The following SEZ6L variants were observed in gnomAD, a reference collection of about 807,000 sequenced individuals.
SEZ6L encodes seizure related 6 homolog like.
Under a neutral mutation model 106.2 loss-of-function variants are expected in SEZ6L, and 37 were observed. The observed-to-expected ratio is 0.35, with a 90% CI of 0.27 to 0.46. SEZ6L has a LOEUF of 0.46. Ranked by LOEUF, SEZ6L falls within the 20% of genes least tolerant of loss-of-function variation. The probability of loss-of-function intolerance (pLI) is 1.00; values close to 1 mark genes in which losing one functional copy is unlikely to be tolerated. For synonymous variants in SEZ6L, 541 were observed against 570.4 expected, an observed-to-expected ratio of 0.95 and a Z score of 0.73; for missense variants, 1,172 against 1,332.8, an observed-to-expected ratio of 0.88 and a Z score of 1.88.
chr22:26,226,577 A>ATG (rs756668580), intron 1 of SEZ6L, among the ~76,000 whole-genome samples: 33 of 151,834 alleles, frequency 2.2e-4, no homozygotes, highest in East Asian at 7.7e-4. Flanking sequence ...GTGTATATGT[A>ATG]TGTGTGTGTG....
intron 1 of SEZ6L, among the ~76,000 whole-genome samples, chr22:26,212,056 T>C (rs1187627205): frequency 6.6e-6 from 1 of 151,898 alleles, no homozygotes; most frequent in Non-Finnish European, 1.5e-5. Context: ...AAGTGGAAGC[T>C]AACTAGGTGA....
intron 9 of SEZ6L, among the ~76,000 whole-genome samples, chr22:26,329,767 G>GT (rs1223217666): frequency 7.9e-5 from 12 of 152,200 alleles, no homozygotes; most frequent in African/African-American, 1.9e-4. Flanking sequence ...GATTCATAAT[G>GT]TTTTTTCTCT....
chr22:26,238,253 G>A (rs761006301), intron 1 of SEZ6L, among the ~76,000 whole-genome samples: 24 of 152,340 alleles, frequency 1.6e-4, no homozygotes, highest in South Asian at 4.2e-4. Context: ...GAAGGGCTGC[G>A]TAGGCATTCA....
At chr22:26,253,985 C>T (rs1024869817) in intron 1 of SEZ6L, 1 of 152,184 alleles carries the variant, frequency 6.6e-6, no homozygotes, top group Non-Finnish European at 1.5e-5. Context: ...AAGGATGAAA[C>T]ACAAGTGGAA....
At chr22:26,365,040 TA>T (rs2083760095) in intron 12 of SEZ6L, 1 of 198,064 alleles carries the variant, frequency 5.0e-6, no homozygotes, top group Non-Finnish European at 1.0e-5. Context: ...AGGAGATAGA[TA>T]TTACTTTGAT....
intron 9 of SEZ6L, among the ~76,000 whole-genome samples, chr22:26,335,855 C>T (rs938939319): frequency 6.6e-6 from 1 of 152,152 alleles, no homozygotes; most frequent in African/African-American, 2.4e-5. Context: ...AAGAAAGACA[C>T]CTGCCAAGTC....
At chr22:26,327,306 T>TGACACTACACACACCACACACAC (rs2082338571) in intron 9 of SEZ6L, among the ~76,000 whole-genome samples, 1 of 119,408 alleles carries the variant, frequency 8.4e-6, no homozygotes, top group South Asian at 2.9e-4. Flanking sequence ...CACACACACA[T>TGACACTACACACACCACACACAC]GACACTACAC....
At chr22:26,357,687 G>A (rs74437338) in intron 12 of SEZ6L, among the ~76,000 whole-genome samples, 9,222 of 152,270 alleles carry the variant, frequency 0.061, 390 homozygotes, top group Non-Finnish European at 0.089. Context: ...ATTGTCTCCA[G>A]TTGATCCTTG....
chr22:26,231,526 A>G (rs1301472902), intron 1 of SEZ6L, among the ~76,000 whole-genome samples: 1 of 152,194 alleles, frequency 6.6e-6, no homozygotes, highest in East Asian at 1.9e-4. Flanking sequence ...TCTGTACTGC[A>G]AGGAGACCAG....
At chr22:26,339,593 A>C (rs1354868796) in intron 9 of SEZ6L, among the ~76,000 whole-genome samples, 2 of 152,204 alleles carry the variant, frequency 1.3e-5, no homozygotes, top group Admixed American at 6.5e-5. Flanking sequence ...AGGTTTGAGC[A>C]TATCTCATAA....
chr22:26,347,435 G>A (rs186499636), intron 10 of SEZ6L, among the ~76,000 whole-genome samples: 19 of 152,052 alleles, frequency 1.2e-4, no homozygotes, highest in Admixed American at 3.3e-4. Flanking sequence ...TTGTCCCCCC[G>A]TCACACCGTT....
At chr22:26,312,093 G>T in intron 8 of SEZ6L, 131 bp downstream of exon 8, 5 of 887,980 alleles carry the variant, frequency 5.6e-6, no homozygotes, top group African/African-American at 1.7e-5. Flanking sequence ...ACCCTTTCCA[G>T]GGTTCACTGT....
intron 9 of SEZ6L, among the ~76,000 whole-genome samples, chr22:26,319,286 C>G (rs975348005): frequency 1.3e-5 from 2 of 152,208 alleles, no homozygotes; most frequent in African/African-American, 4.8e-5. Context: ...ATTGCAACGG[C>G]CTTTGAGATA....
intron 15 of SEZ6L, among the ~76,000 whole-genome samples, chr22:26,376,174 C>A (rs978974378): frequency 4.7e-5 from 7 of 149,984 alleles, no homozygotes; most frequent in African/African-American, 1.7e-4. Flanking sequence ...AGGTGCCAGG[C>A]AGTTTTCTCG....
At chr22:26,189,957 C>T (rs1296701165) in intron 1 of SEZ6L, among the ~76,000 whole-genome samples, 7 of 152,070 alleles carry the variant, frequency 4.6e-5, no homozygotes, top group Admixed American at 1.3e-4. Flanking sequence ...ATTAGCTGGG[C>T]GTGGTGGCGG....
Position 26,292,576 on chromosome 22 carries a change from G to A in SEZ6L, c.265G>A (p.Ala89Thr), listed in dbSNP as rs376609269. The change falls in exon 2 of 17, where the codon GCA becomes ACA. Residue 89 changes from alanine (A) to threonine (T), a missense_variant. Around this residue, in one of 4 missense-constraint regions of SEZ6L, gnomAD observed 494 missense variants for 445.8 expected, o/e 1.11. Transcript: ENST00000248933. Reference protein sequence around the residue: ...VLGELVLDGTAPSAHHDIPAL... With the variant: ...VLGELVLDGTTPSAHHDIPAL... ...GGGCGAGCTGGTGCTGGATGGGACC[G>A]CACCCTCTGCACATCACGACATCCC... The A allele has an allele frequency of 3.5e-4, 571 of 1,613,530 alleles. 6 individuals carry two copies. In the South Asian group the frequency reaches 5.4e-3, roughly 15 times the overall value.
At chr22:26,365,700 C>G in intron 13 of SEZ6L, 134 bp downstream of exon 13, 1 of 707,918 alleles carries the variant, frequency 1.4e-6, no homozygotes, top group Non-Finnish European at 2.2e-6. Flanking sequence ...TAGTGAGACC[C>G]CCATCTCTAC....
intron 1 of SEZ6L, among the ~76,000 whole-genome samples, chr22:26,266,171 G>A (rs933655240): frequency 1.3e-5 from 2 of 152,114 alleles, no homozygotes; most frequent in Admixed American, 6.5e-5. Flanking sequence ...TGCTGCACTC[G>A]ATTGCTGAGT....
intron 12 of SEZ6L, among the ~76,000 whole-genome samples, chr22:26,363,076 C>T (rs7287415): frequency 7.7e-4 from 117 of 152,310 alleles, no homozygotes; most frequent in African/African-American, 2.7e-3. Context: ...AAAGAATATT[C>T]CTGGTCTAAC....
Sources: gnomAD v4.1 joint callset for allele counts (sites outside exome capture counted in the v4.1 genomes callset) on GRCh38, gnomAD v4.1.1 for gene constraint, gnomAD v4.1.1 regional missense constraint, MANE v1.5 for transcripts, NCBI Gene and HGNC (gene_info 2026-07-23, HGNC 2026-07-21) for gene names.